Variants in GRIA4 observed in about 807,000 individuals in gnomAD.
GRIA4 encodes the protein glutamate ionotropic receptor AMPA type subunit 4, also known as glutamate receptor 4.
GRIA4 carries 34 observed loss-of-function variants against 104.0 expected under a neutral mutation model. The ratio of observed to expected loss-of-function variants is 0.33; its 90% CI spans 0.25 to 0.44. The LOEUF (loss-of-function observed/expected upper bound fraction) is 0.44. GRIA4 is among the 20% of genes least tolerant of loss of function. The pLI is 1.00. For missense variants in GRIA4, 750 were observed against 1,096.5 expected (o/e 0.68, Z 4.46); for synonymous variants, 386 against 381.9 (o/e 1.01, Z -0.13).
chr11:105,611,684 A>T (rs975979437), intron 2 of GRIA4, among the ~76,000 whole-genome samples: 5 of 151,952 alleles, frequency 3.3e-5, no homozygotes, highest in African/African-American at 1.2e-4. Flanking sequence ...GTTTCCAGGG[A>T]CACCCTCCAT....
At chr11:105,762,237 T>C (rs1156442969) in intron 4 of GRIA4, among the ~76,000 whole-genome samples, 1 of 152,182 alleles carries the variant, frequency 6.6e-6, no homozygotes, top group Non-Finnish European at 1.5e-5. Context: ...TTGGCCAGGC[T>C]GGTCTCAAAC....
intron 3 of GRIA4, among the ~76,000 whole-genome samples, chr11:105,639,051 A>G (rs1283281043): frequency 6.6e-6 from 1 of 152,132 alleles, no homozygotes; most frequent in Non-Finnish European, 1.5e-5. Context: ...TGAACCAACC[A>G]AGAAAGCAAA....
At chr11:105,619,991 C>T (rs61901795) in intron 3 of GRIA4, among the ~76,000 whole-genome samples, 8,204 of 151,842 alleles carry the variant, frequency 0.054, 295 homozygotes, top group Non-Finnish European at 0.08. Flanking sequence ...CTCTGCCTCT[C>T]GCATTGTCAT....
rs763218011 is a variant in GRIA4, at chr11:105,852,766, T to TAACGGTAGAATAAATTAATTGCTC, written c.488-9258_488-9257insAACGGTAGAATAAATTAATTGCTC. ...TGGTGAATACTTACTTCATCCTGTG[T>TAACGGTAGAATAAATTAATTGCTC]TTTTTCCTGCTAGGAACAGAAATTG... is the stretch of plus-strand genomic sequence containing the variant. On this transcript the variant is annotated intron_variant, in intron 4 of 16. Coordinates refer to ENST00000282499, the MANE Select transcript of GRIA4 (RefSeq NM_000829.4). Among the ~76,000 whole-genome samples the TAACGGTAGAATAAATTAATTGCTC allele has an allele frequency of 9.3e-3, 1,408 of 150,740 alleles. 136 individuals are homozygous for TAACGGTAGAATAAATTAATTGCTC. The highest frequency in any genetic ancestry group is 0.019 in the Admixed American group (283 of 14,756).
chr11:105,847,355 C>T (rs897282475), intron 4 of GRIA4, among the ~76,000 whole-genome samples: 2 of 152,142 alleles, frequency 1.3e-5, no homozygotes, highest in African/African-American at 2.4e-5. Context: ...AGCCAAGTTG[C>T]TAACAGGCCA....
chr11:105,700,349 A>C (rs1489022610), intron 3 of GRIA4, among the ~76,000 whole-genome samples: 1 of 152,194 alleles, frequency 6.6e-6, no homozygotes, highest in Non-Finnish European at 1.5e-5. Context: ...TTAATTAGTG[A>C]AACAATTGTG....
chr11:105,882,849 A>T (rs570418406), intron 5 of GRIA4, among the ~76,000 whole-genome samples: 2 of 152,328 alleles, frequency 1.3e-5, no homozygotes, highest in Admixed American at 1.3e-4. Context: ...GTCAATATGG[A>T]AAAGTGTCCT....
intron 3 of GRIA4, among the ~76,000 whole-genome samples, chr11:105,647,492 T>TCTATGTTTACTGAAGCA (rs1951561881): frequency 1.3e-5 from 2 of 152,150 alleles, no homozygotes; most frequent in African/African-American, 4.8e-5. Flanking sequence ...CACATGCACA[T>TCTATGTTTACTGAAGCA]CTATGTTTAC....
chr11:105,945,980 A>G (rs1021861444), intron 14 of GRIA4, among the ~76,000 whole-genome samples: 1 of 152,198 alleles, frequency 6.6e-6, no homozygotes, highest in East Asian at 1.9e-4. Flanking sequence ...TTAATGATAT[A>G]TATTTGGAAA....
intron 4 of GRIA4, among the ~76,000 whole-genome samples, chr11:105,812,763 T>A (rs964808803): frequency 2.6e-5 from 4 of 151,908 alleles, no homozygotes; most frequent in Non-Finnish European, 5.9e-5. Flanking sequence ...TTTTATAGAT[T>A]TTGGAAGGGA....
intron 3 of GRIA4, among the ~76,000 whole-genome samples, chr11:105,724,017 T>A (rs1938014701): frequency 6.6e-6 from 1 of 151,994 alleles, no homozygotes; most frequent in Non-Finnish European, 1.5e-5. Flanking sequence ...AAATAACAGA[T>A]GTTGGGAAGG....
intron 5 of GRIA4, among the ~76,000 whole-genome samples, chr11:105,869,159 A>G (rs1366796554): frequency 6.6e-6 from 1 of 152,130 alleles, no homozygotes; most frequent in South Asian, 2.1e-4. Flanking sequence ...ATAAAATAAA[A>G]GGCAAAGTGA....
chr11:105,625,834 C>G (rs1565412243), intron 3 of GRIA4, among the ~76,000 whole-genome samples: 1 of 152,102 alleles, frequency 6.6e-6, no homozygotes. Context: ...TACAAATTAA[C>G]CTCTCCATAG....
At chr11:105,656,400 C>G (rs1316203990) in intron 3 of GRIA4, among the ~76,000 whole-genome samples, 1 of 114,140 alleles carries the variant, frequency 8.8e-6, no homozygotes, top group Non-Finnish European at 2.0e-5. Context: ...AATCGTAAGA[C>G]CTAAACCAAT....
At chr11:105,717,101 T>A (rs1954117501) in intron 3 of GRIA4, among the ~76,000 whole-genome samples, 1 of 152,118 alleles carries the variant, frequency 6.6e-6, no homozygotes. Flanking sequence ...ATTTTCCCCT[T>A]ATGTTGAAAA....
At chr11:105,819,616 T>C (rs1015969599) in intron 4 of GRIA4, among the ~76,000 whole-genome samples, 10 of 152,076 alleles carry the variant, frequency 6.6e-5, no homozygotes, top group Non-Finnish European at 1.3e-4. Flanking sequence ...TGAGGGGTGA[T>C]AGGCACATGA....
chr11:105,775,962 TAA>T (rs1426684361), intron 4 of GRIA4, among the ~76,000 whole-genome samples: 3 of 151,952 alleles, frequency 2.0e-5, no homozygotes, highest in African/African-American at 4.8e-5. Flanking sequence ...GAAATTTGCA[TAA>T]AGACATACTA....
chr11:105,951,554 C>T (rs1948457421), intron 14 of GRIA4, among the ~76,000 whole-genome samples: 1 of 152,056 alleles, frequency 6.6e-6, no homozygotes, highest in African/African-American at 2.4e-5. Context: ...CTCAAACACC[C>T]CAAGGCCACC....
intron 3 of GRIA4, among the ~76,000 whole-genome samples, chr11:105,621,233 A>AT (rs544392208): frequency 1.4e-3 from 213 of 151,674 alleles, no homozygotes; most frequent in South Asian, 6.2e-3. Flanking sequence ...ATGCCCTGTG[A>AT]TTTTCCCATT....
Sources: allele counts gnomAD v4.1 joint callset (sites outside exome capture counted in the v4.1 genomes callset), GRCh38; gene constraint gnomAD v4.1.1; transcripts MANE v1.5; gene names NCBI Gene and HGNC (gene_info 2026-07-23, HGNC 2026-07-21).